The following MTUS2 variants were observed in gnomAD, a reference collection of about 807,000 sequenced individuals.
The protein encoded by MTUS2 is microtubule-associated tumor suppressor candidate 2.
In MTUS2, 40 loss-of-function variants were observed where a neutral mutation model predicts 114.1. That is an observed-to-expected ratio of 0.35 (90% CI 0.27 to 0.46). The LOEUF is 0.46. Among genes scored for constraint, MTUS2 ranks in the 20% least tolerant of loss-of-function variants. The pLI is 1.00. For missense variants in MTUS2, 1,679 were observed against 1,705.4 expected (o/e 0.98, Z 0.27); for synonymous variants, 688 against 672.0 (o/e 1.02, Z -0.37).
intron 4 of MTUS2, among the ~76,000 whole-genome samples, chr13:29,062,998 G>A (rs1259865898): frequency 6.6e-6 from 1 of 152,170 alleles, no homozygotes; most frequent in Non-Finnish European, 1.5e-5. Context: ...CTGTCGTCAG[G>A]TCTGGGTATG....
chr13:29,477,495 G>C (rs1880791930), intron 9 of MTUS2, among the ~76,000 whole-genome samples: 1 of 152,078 alleles, frequency 6.6e-6, no homozygotes, highest in African/African-American at 2.4e-5. Flanking sequence ...CACCACACCT[G>C]AGCCACATTG....
chr13:29,351,027 T>C (rs1265892949), intron 7 of MTUS2, among the ~76,000 whole-genome samples: 2 of 148,546 alleles, frequency 1.3e-5, no homozygotes, highest in Non-Finnish European at 3.0e-5. Context: ...GCAGGGTATG[T>C]ACATGAAGGG....
chr13:29,138,451 A>G (rs572332717), intron 5 of MTUS2, among the ~76,000 whole-genome samples: 11 of 148,210 alleles, frequency 7.4e-5, no homozygotes, highest in African/African-American at 2.4e-4. Flanking sequence ...CATTATTTAT[A>G]TAAATAAAAG....
chr13:28,835,718 TC>T (rs962257602), intron 1 of MTUS2, among the ~76,000 whole-genome samples: 1 of 152,076 alleles, frequency 6.6e-6, no homozygotes, highest in Non-Finnish European at 1.5e-5. Context: ...GAGTTTTAGT[TC>T]CCCCCAAGGC....
chr13:29,112,843 C>T (rs768186094), intron 5 of MTUS2, among the ~76,000 whole-genome samples: 6 of 151,868 alleles, frequency 4.0e-5, no homozygotes, highest in African/African-American at 1.4e-4. Context: ...CATATCAGGT[C>T]GCCTCATTTG....
At chr13:28,828,706 T>A (rs1593227259) in intron 1 of MTUS2, among the ~76,000 whole-genome samples, 1 of 152,134 alleles carries the variant, frequency 6.6e-6, no homozygotes, top group African/African-American at 2.4e-5. Flanking sequence ...GTACAAAATT[T>A]AAGGGACACC....
chr13:29,145,012 G>C (rs990507912), intron 5 of MTUS2, among the ~76,000 whole-genome samples: 1 of 152,094 alleles, frequency 6.6e-6, no homozygotes, highest in African/African-American at 2.4e-5. Context: ...GGTACTTTTG[G>C]CTACATTCTT....
intron 2 of MTUS2, among the ~76,000 whole-genome samples, chr13:28,952,605 T>C (rs528138506): frequency 6.6e-6 from 1 of 152,340 alleles, no homozygotes. Flanking sequence ...GCATATCTTT[T>C]TATGTTTTCC....
intron 5 of MTUS2, among the ~76,000 whole-genome samples, chr13:29,186,734 G>A (rs1443938977): frequency 6.6e-6 from 1 of 152,164 alleles, no homozygotes. Context: ...CAAACGAGGA[G>A]GTGGAAAACT....
intron 2 of MTUS2, among the ~76,000 whole-genome samples, chr13:28,963,390 T>G (rs1225208004): frequency 6.6e-6 from 1 of 152,000 alleles, no homozygotes; most frequent in Non-Finnish European, 1.5e-5. Context: ...AGAAATAGAG[T>G]ATCTGCATAT....
At chr13:28,873,736 C>G (rs1290245876) in intron 2 of MTUS2, among the ~76,000 whole-genome samples, 2 of 152,098 alleles carry the variant, frequency 1.3e-5, no homozygotes, top group African/African-American at 2.4e-5. Flanking sequence ...TTGGTAATGA[C>G]TGGTAAAGAT....
At chr13:29,190,202 C>T (rs1296328374) in intron 5 of MTUS2, among the ~76,000 whole-genome samples, 4 of 152,170 alleles carry the variant, frequency 2.6e-5, no homozygotes, top group Non-Finnish European at 5.9e-5. Flanking sequence ...TACCCATGTA[C>T]TCTAGTAAAA....
chr13:29,217,832 C>T (rs998455780), intron 5 of MTUS2, among the ~76,000 whole-genome samples: 1 of 152,134 alleles, frequency 6.6e-6, no homozygotes, highest in African/African-American at 2.4e-5. Flanking sequence ...CAACAATGTT[C>T]ACAGGCCAGG....
intron 2 of MTUS2, among the ~76,000 whole-genome samples, chr13:28,947,977 T>G (rs530432658): frequency 7.9e-4 from 120 of 152,322 alleles, no homozygotes; most frequent in African/African-American, 2.7e-3. Context: ...TTAAGTATGT[T>G]GTTTATGCTT....
intron 6 of MTUS2, among the ~76,000 whole-genome samples, chr13:29,288,734 G>A (rs914696030): frequency 6.6e-6 from 1 of 152,076 alleles, no homozygotes; most frequent in East Asian, 1.9e-4. Context: ...GGATTCTGGG[G>A]GAGTTTTGGC....
chr13:29,374,769 CACCTGTAATCCCAGCTACTCGGGAGGCTG>C lies in MTUS2; in HGVS notation c.3117+15327_3117+15355del, dbSNP rs1223056926. ...AAAATTAGCCAGGTGTGGTGGCACA[CACCTGTAATCCCAGCTACTCGGGAGGCTG>C]ACCTGTAATCCCAGCTACTCGGGAG... is the stretch of plus-strand genomic sequence containing the variant. On this transcript the variant is annotated intron_variant, in intron 8 of 15. Transcript: ENST00000612955. 1.8e-4 allele frequency among the ~76,000 whole-genome samples: 27 copies of C among 151,998 alleles called. No individual in the cohort carries two copies. The East Asian group carries it at 2.5e-3, about 14-fold the overall frequency.
intron 4 of MTUS2, among the ~76,000 whole-genome samples, chr13:29,093,604 T>C (rs370620113): frequency 2.0e-5 from 3 of 152,226 alleles, no homozygotes; most frequent in African/African-American, 7.2e-5. Flanking sequence ...GTATGTTGAA[T>C]TGTATTCTGT....
chr13:29,284,768 TA>T (rs1038190733), intron 6 of MTUS2, among the ~76,000 whole-genome samples: 1 of 152,138 alleles, frequency 6.6e-6, no homozygotes, highest in African/African-American at 2.4e-5. Context: ...TGAATGGGAT[TA>T]GGGGTATTAT....
chr13:28,939,918 G>C (rs536050773), intron 2 of MTUS2, among the ~76,000 whole-genome samples: 1 of 152,148 alleles, frequency 6.6e-6, no homozygotes, highest in Non-Finnish European at 1.5e-5. Flanking sequence ...CATGTCTTAC[G>C]TGGCGGCAGG....
Sources: allele counts gnomAD v4.1 joint callset (sites outside exome capture counted in the v4.1 genomes callset), GRCh38; gene constraint gnomAD v4.1.1; transcripts MANE v1.5; gene names NCBI Gene and HGNC (gene_info 2026-07-23, HGNC 2026-07-21).